TAFA2: variants seen among roughly 807,000 people sequenced by gnomAD.
TAFA2 encodes TAFA chemokine like family member 2.
In TAFA2, 7 loss-of-function variants were observed where a neutral mutation model predicts 18.8. That is an observed-to-expected ratio of 0.37 (90% CI 0.21 to 0.70). The LOEUF (loss-of-function observed/expected upper bound fraction) is 0.70, where lower values mean the gene tolerates loss of function less well. Among genes scored for constraint, TAFA2 ranks in the 30% least tolerant of loss-of-function variants. TAFA2 has a pLI of 0.53. For synonymous variants in TAFA2, 60 were observed against 54.2 expected (o/e 1.11, Z -0.47); for missense variants, 122 against 158.1 (o/e 0.77, Z 1.23).
At chr12:62,112,918 G>A (rs1265203912) in intron 1 of TAFA2, among the ~76,000 whole-genome samples, 2 of 151,876 alleles carry the variant, frequency 1.3e-5, no homozygotes, top group Admixed American at 1.3e-4. Flanking sequence ...CCTTGCACTG[G>A]GTTAGAACAT....
chr12:61,796,261 A>G (rs964546827), intron 2 of TAFA2, among the ~76,000 whole-genome samples: 2 of 152,168 alleles, frequency 1.3e-5, no homozygotes. Flanking sequence ...TTAACTCAAA[A>G]CTGGAAATAA....
intron 1 of TAFA2, among the ~76,000 whole-genome samples, chr12:62,161,410 A>G (rs921134925): frequency 6.6e-6 from 1 of 152,196 alleles, no homozygotes; most frequent in African/African-American, 2.4e-5. Flanking sequence ...AGCAACATGG[A>G]TGGAACTGAA....
intron 1 of TAFA2, among the ~76,000 whole-genome samples, chr12:61,963,113 T>C (rs1267809063): frequency 6.6e-6 from 1 of 152,046 alleles, no homozygotes. Context: ...ATTTTCTTTA[T>C]CCAGTCTATC....
intron 2 of TAFA2, among the ~76,000 whole-genome samples, chr12:61,847,970 G>A (rs554651734): frequency 1.1e-4 from 17 of 152,114 alleles, no homozygotes; most frequent in Non-Finnish European, 2.2e-4. Context: ...ATCTACAGTT[G>A]ATTTTCATTT....
intron 1 of TAFA2, among the ~76,000 whole-genome samples, chr12:62,051,568 A>G (rs1221555525): frequency 6.6e-6 from 1 of 151,872 alleles, no homozygotes; most frequent in Non-Finnish European, 1.5e-5. Flanking sequence ...AAAATGTACA[A>G]TTTTTCATTA....
At chr12:61,849,650 T>C (rs563553127) in intron 2 of TAFA2, among the ~76,000 whole-genome samples, 1 of 152,278 alleles carries the variant, frequency 6.6e-6, no homozygotes, top group East Asian at 1.9e-4. Context: ...GTCATATTAT[T>C]ATGAGAATTG....
chr12:61,908,291 T>C (rs560970148), intron 1 of TAFA2, among the ~76,000 whole-genome samples: 31 of 152,256 alleles, frequency 2.0e-4, no homozygotes, highest in East Asian at 1.7e-3. Context: ...TGGGGGCAGA[T>C]CTTTCTGGTG....
chr12:62,207,526 T>A (rs1221800971), intron 1 of TAFA2, among the ~76,000 whole-genome samples: 1 of 151,910 alleles, frequency 6.6e-6, no homozygotes, highest in Non-Finnish European at 1.5e-5. Context: ...ACCCCTATGG[T>A]CTCCTTTGTC....
At chr12:62,067,696 T>C (rs1453668257) in intron 1 of TAFA2, among the ~76,000 whole-genome samples, 2 of 152,086 alleles carry the variant, frequency 1.3e-5, no homozygotes, top group Admixed American at 6.6e-5. Flanking sequence ...GGCAGTACCA[T>C]GCCATTTTAG....
intron 1 of TAFA2, among the ~76,000 whole-genome samples, chr12:61,926,581 A>T (rs927397957): frequency 6.6e-6 from 1 of 152,240 alleles, no homozygotes; most frequent in Admixed American, 6.5e-5. Flanking sequence ...CATAAATTGA[A>T]CCAATTACAA....
At chr12:62,120,209 A>G (rs1468486158) in intron 1 of TAFA2, among the ~76,000 whole-genome samples, 1 of 152,230 alleles carries the variant, frequency 6.6e-6, no homozygotes, top group Non-Finnish European at 1.5e-5. Flanking sequence ...GGAGCCATAA[A>G]TAAATCTAAA....
intron 1 of TAFA2, among the ~76,000 whole-genome samples, chr12:62,036,138 T>C (rs1881605828): frequency 6.6e-6 from 1 of 152,018 alleles, no homozygotes; most frequent in African/African-American, 2.4e-5. Context: ...CCGTTTCCCA[T>C]ACCCAGTTGT....
intron 1 of TAFA2, among the ~76,000 whole-genome samples, chr12:61,928,488 A>T (rs937401174): frequency 2.0e-5 from 3 of 152,188 alleles, no homozygotes; most frequent in African/African-American, 7.2e-5. Flanking sequence ...GCCAGTTAGA[A>T]TGGCGATCAT....
intron 1 of TAFA2, among the ~76,000 whole-genome samples, chr12:62,103,939 T>C (rs994632120): frequency 1.3e-5 from 2 of 152,170 alleles, no homozygotes; most frequent in African/African-American, 4.8e-5. Context: ...TCTAACCCTA[T>C]TGTGCCTGTG....
intron 1 of TAFA2, among the ~76,000 whole-genome samples, chr12:62,236,677 T>C (rs1414977041): frequency 6.6e-6 from 1 of 152,238 alleles, no homozygotes; most frequent in Non-Finnish European, 1.5e-5. Context: ...CTTTTGGTTG[T>C]CTGGGAAGAC....
chr12:62,053,389 T>C (rs564526745), intron 1 of TAFA2, among the ~76,000 whole-genome samples: 4 of 152,210 alleles, frequency 2.6e-5, no homozygotes, highest in African/African-American at 9.6e-5. Context: ...AAGAGCACCT[T>C]TATGCATATA....
At chr12:61,935,357 T>C (rs1329387779) in intron 1 of TAFA2, among the ~76,000 whole-genome samples, 4 of 152,176 alleles carry the variant, frequency 2.6e-5, no homozygotes. Context: ...AAAATTTTAC[T>C]GTGCAATAAT....
At chr12:62,216,597 T>C (rs2062736916) in intron 1 of TAFA2, among the ~76,000 whole-genome samples, 1 of 152,244 alleles carries the variant, frequency 6.6e-6, no homozygotes, top group African/African-American at 2.4e-5. Flanking sequence ...TTGTCCCAGA[T>C]GTGGCTTCTT....
intron 1 of TAFA2, among the ~76,000 whole-genome samples, chr12:62,091,152 G>A (rs1164691107): frequency 1.3e-5 from 2 of 151,930 alleles, no homozygotes; most frequent in African/African-American, 4.8e-5. Context: ...TGAAGTCCCA[G>A]TCCAAGTTCC....
Sources: gnomAD v4.1 joint callset for allele counts (sites outside exome capture counted in the v4.1 genomes callset) on GRCh38, gnomAD v4.1.1 for gene constraint, MANE v1.5 for transcripts, NCBI Gene and HGNC (gene_info 2026-07-23, HGNC 2026-07-21) for gene names.